Variants in KDM4C observed in about 807,000 individuals in gnomAD.
The protein encoded by KDM4C is lysine-specific demethylase 4C.
In KDM4C, 81 loss-of-function variants were observed where a neutral mutation model predicts 129.3. The ratio of observed to expected loss-of-function variants is 0.63; its 90% CI spans 0.52 to 0.75. KDM4C has a LOEUF of 0.75. Ranked by LOEUF, KDM4C falls within the 30% of genes least tolerant of loss-of-function variation. The probability of loss-of-function intolerance (pLI) is 0.00; values close to 1 mark genes in which losing one functional copy is unlikely to be tolerated. For missense variants in KDM4C, 1,457 were observed against 1,304.0 expected (o/e 1.12, Z -1.81); for synonymous variants, 573 against 456.1 (o/e 1.26, Z -3.26).
At chr9:6,944,816 A>G (rs1275950024) in intron 8 of KDM4C, among the ~76,000 whole-genome samples, 6 of 152,062 alleles carry the variant, frequency 3.9e-5, no homozygotes, top group Non-Finnish European at 7.4e-5. Context: ...GGATGCTGGC[A>G]GAATGTGGGG....
At chr9:7,063,137 T>C (rs1831946182) in intron 17 of KDM4C, among the ~76,000 whole-genome samples, 1 of 152,236 alleles carries the variant, frequency 6.6e-6, no homozygotes, top group Non-Finnish European at 1.5e-5. Context: ...AGTAAAATAA[T>C]GTATCATAAC....
intron 7 of KDM4C, among the ~76,000 whole-genome samples, chr9:6,891,304 T>C (rs867876407): frequency 3.3e-5 from 5 of 152,216 alleles, no homozygotes; most frequent in African/African-American, 4.8e-5. Context: ...ATATATTTTA[T>C]GTAATGGAAG....
intron 19 of KDM4C, among the ~76,000 whole-genome samples, chr9:7,140,481 T>C (rs1275520800): frequency 2.0e-5 from 3 of 152,248 alleles, no homozygotes; most frequent in Non-Finnish European, 4.4e-5. Context: ...CAAGTCCTCT[T>C]TCTTCTTAGA....
At chr9:6,907,537 A>T (rs940038367) in intron 8 of KDM4C, among the ~76,000 whole-genome samples, 1 of 152,214 alleles carries the variant, frequency 6.6e-6, no homozygotes, top group African/African-American at 2.4e-5. Flanking sequence ...TTTCCTCCAG[A>T]ATATTTAACT....
intron 8 of KDM4C, among the ~76,000 whole-genome samples, chr9:6,975,896 A>G (rs1203321558): frequency 6.6e-6 from 1 of 152,100 alleles, no homozygotes; most frequent in Non-Finnish European, 1.5e-5. Context: ...AAATTAGCCG[A>G]GCGTGGTGGC....
chr9:6,810,151 AT>A (rs1830882956), intron 3 of KDM4C, among the ~76,000 whole-genome samples: 1 of 152,138 alleles, frequency 6.6e-6, no homozygotes, highest in African/African-American at 2.4e-5. Flanking sequence ...TCTCTAGCCC[AT>A]TTGATTATTT....
At chr9:7,139,870 A>G (rs1841568392) in intron 19 of KDM4C, among the ~76,000 whole-genome samples, 1 of 152,314 alleles carries the variant, frequency 6.6e-6, no homozygotes, top group South Asian at 2.1e-4. Context: ...CAGGGGCATA[A>G]GGCAGAAGGA....
chr9:7,016,359 C>A (rs1397907389), intron 15 of KDM4C, among the ~76,000 whole-genome samples: 1 of 150,256 alleles, frequency 6.7e-6, no homozygotes, highest in Non-Finnish European at 1.5e-5. Context: ...GATCTCCTGA[C>A]CTTGTGATCT....
At chr9:7,052,909 GTGCCCA>G (rs1319417760) in intron 17 of KDM4C, among the ~76,000 whole-genome samples, 55 of 99,998 alleles carry the variant, frequency 5.5e-4, no homozygotes, top group South Asian at 1.5e-3. Flanking sequence ...GAGCGAGCGA[GTGCCCA>G]AGGGATGACA....
At chr9:7,043,465 A>G (rs1261546747) in intron 15 of KDM4C, among the ~76,000 whole-genome samples, 1 of 152,060 alleles carries the variant, frequency 6.6e-6, no homozygotes, top group African/African-American at 2.4e-5. Context: ...CTGTTCTCTG[A>G]CAGTAAAGTA....
chr9:6,990,587 T>TA (rs1350961581), intron 12 of KDM4C, 63 bp downstream of exon 12: 75 of 1,079,532 alleles, frequency 6.9e-5, no homozygotes, highest in Non-Finnish European at 8.3e-5. Flanking sequence ...CAAACTATTG[T>TA]AAAAAAAATT....
At chr9:6,884,759 A>G (rs1844998240) in intron 6 of KDM4C, among the ~76,000 whole-genome samples, 1 of 152,170 alleles carries the variant, frequency 6.6e-6, no homozygotes, top group East Asian at 1.9e-4. Context: ...TTTGATCTTA[A>G]ACTCTTTTCT....
chr9:6,893,455 C>G (rs1846391260), intron 8 of KDM4C: 1 of 359,998 alleles, frequency 2.8e-6, no homozygotes, highest in African/African-American at 2.1e-5. Context: ...AGCAATTTAC[C>G]CTGATAGGTA....
chr9:7,079,796 T>A (rs551379457), intron 17 of KDM4C, among the ~76,000 whole-genome samples: 152 of 152,326 alleles, frequency 1.0e-3, no homozygotes, highest in African/African-American at 3.6e-3. Context: ...TTCCTAGAAG[T>A]ACAATGCACT....
chr9:6,974,546 C>G (rs1410294122), intron 8 of KDM4C, among the ~76,000 whole-genome samples: 1 of 152,092 alleles, frequency 6.6e-6, no homozygotes, highest in African/African-American at 2.4e-5. Flanking sequence ...TTAGTAGAGA[C>G]GGAGTTTCAC....
intron 4 of KDM4C, among the ~76,000 whole-genome samples, chr9:6,825,170 AT>A: frequency 1.4e-5 from 2 of 147,284 alleles, no homozygotes; most frequent in Non-Finnish European, 1.5e-5. Flanking sequence ...AAAAAAAAAG[AT>A]AGCTGGATTT....
intron 17 of KDM4C, among the ~76,000 whole-genome samples, chr9:7,063,593 C>T (rs1294605942): frequency 6.6e-6 from 1 of 152,078 alleles, no homozygotes; most frequent in South Asian, 2.1e-4. Flanking sequence ...CTGGTCTTAA[C>T]GATATTACAG....
rs989646532 is a variant in KDM4C at position 6,849,677 on chromosome 9, C to G, written c.606C>G (p.Leu202=). The G allele has an allele frequency of 6.3e-7, 1 of 1,594,276 alleles. No homozygotes were observed. The highest frequency in any genetic ancestry group is 8.6e-7 in the Non-Finnish European group (1 of 1,166,188). The part of the protein sequence containing the change: ...EDMDLYSINY[L]HFGEPKSWYA... ...TGGACCTCTATAGCATTAATTATCTCCACTTTGGAGAGCCCAAGTCTTGGC... is the reference window on the plus strand; with the variant it reads ...TGGACCTCTATAGCATTAATTATCTGCACTTTGGAGAGCCCAAGTCTTGGC... Residue 202 remains leucine, a synonymous_variant, in exon 5 of 22, where the codon CTC becomes CTG. Coordinates refer to ENST00000381309, the MANE Select transcript of KDM4C (RefSeq NM_015061.6).
chr9:7,153,685 T>C (rs774337805), intron 19 of KDM4C, among the ~76,000 whole-genome samples: 45 of 152,224 alleles, frequency 3.0e-4, no homozygotes, highest in Non-Finnish European at 5.9e-4. Context: ...TAGCGGTTAC[T>C]TATCAGGGTT....
Sources: gnomAD v4.1 joint callset for allele counts (sites outside exome capture counted in the v4.1 genomes callset) on GRCh38, gnomAD v4.1.1 for gene constraint, MANE v1.5 for transcripts, NCBI Gene and HGNC (gene_info 2026-07-23, HGNC 2026-07-21) for gene names.